Variants in PLS1 observed in about 807,000 individuals in gnomAD.
PLS1 encodes plastin 1.
PLS1 carries 32 observed loss-of-function variants against 73.7 expected under a neutral mutation model. The ratio of observed to expected loss-of-function variants is 0.43; its 90% CI spans 0.33 to 0.58. The LOEUF (loss-of-function observed/expected upper bound fraction) is 0.58. Ranked by LOEUF, PLS1 falls within the 20% of genes least tolerant of loss-of-function variation. The pLI is 0.04. For synonymous variants in PLS1, 217 were observed against 261.3 expected, an observed-to-expected ratio of 0.83 and a Z score of 1.63; for missense variants, 633 against 740.5, an observed-to-expected ratio of 0.85 and a Z score of 1.68.
At chr3:142,621,772 C>A (rs752936145) in intron 1 of PLS1, among the ~76,000 whole-genome samples, 1 of 152,116 alleles carries the variant, frequency 6.6e-6, no homozygotes, top group Non-Finnish European at 1.5e-5. Context: ...TTTAAAAGGA[C>A]ACATAGGGCA....
At chr3:142,623,215 A>C (rs950817995) in intron 1 of PLS1, among the ~76,000 whole-genome samples, 2 of 152,116 alleles carry the variant, frequency 1.3e-5, no homozygotes, top group Non-Finnish European at 2.9e-5. Context: ...TAGGAAGAAA[A>C]CCTGCTTGGG....
intron 1 of PLS1, among the ~76,000 whole-genome samples, chr3:142,628,522 A>C (rs2036483288): frequency 6.6e-6 from 1 of 152,214 alleles, no homozygotes; most frequent in Non-Finnish European, 1.5e-5. Flanking sequence ...CCTGTTCCTT[A>C]GCTCACTGGG....
chr3:142,619,507 T>C (rs2036276731), intron 1 of PLS1: 1 of 152,234 alleles, frequency 6.6e-6, no homozygotes. Context: ...TCCCAAAAAC[T>C]GAAGTAAAAT....
At chr3:142,610,308 C>A (rs368379142) in intron 1 of PLS1, among the ~76,000 whole-genome samples, 1 of 152,110 alleles carries the variant, frequency 6.6e-6, no homozygotes, top group Non-Finnish European at 1.5e-5. Flanking sequence ...CAGATAGCTC[C>A]CCTCTAGAAA....
Position 142,711,613 on chromosome 3 carries a change from T to G in PLS1, c.1742T>G (p.Leu581Arg). The change falls in exon 15 of 16, where the codon CTG (leucine) becomes CGG (arginine). Residue 581 changes from leucine to arginine, a missense_variant. Coordinates refer to ENST00000457734, the MANE Select transcript of PLS1 (RefSeq NM_001145319.2). ...RRENLSDEDK[L>R]NNAKYAISVA... ...GAAAACTTATCTGATGAGGACAAGC[T>G]GAACAATGCTAAGTAAGCCTTTATG... The G allele has an allele frequency of 6.2e-7, 1 of 1,606,714 alleles. No homozygotes were observed. The highest frequency in any genetic ancestry group is 8.5e-7 in the Non-Finnish European group (1 of 1,174,582).
chr3:142,659,397 C>T (rs1357992629), intron 1 of PLS1, among the ~76,000 whole-genome samples: 4 of 152,148 alleles, frequency 2.6e-5, no homozygotes. Context: ...AACATAGGTG[C>T]TCTTATTTAA....
At chr3:142,710,818 C>T (rs983710566) in intron 14 of PLS1, among the ~76,000 whole-genome samples, 13 of 152,036 alleles carry the variant, frequency 8.6e-5, no homozygotes, top group Admixed American at 7.2e-4. Flanking sequence ...ATCTGCAGTG[C>T]GCTATTCACT....
intron 1 of PLS1, among the ~76,000 whole-genome samples, chr3:142,652,143 TG>T (rs1560049938): frequency 6.6e-6 from 1 of 152,178 alleles, no homozygotes; most frequent in Non-Finnish European, 1.5e-5. Flanking sequence ...TTGCTGAGCT[TG>T]GGGCCGTGGG....
chr3:142,665,273 T>A, intron 2 of PLS1, among the ~76,000 whole-genome samples: 1 of 123,946 alleles, frequency 8.1e-6, no homozygotes. Flanking sequence ...AGAAAAACGA[T>A]ATGTTTAAAA....
At chr3:142,703,167 A>C (rs933666438) in intron 12 of PLS1, among the ~76,000 whole-genome samples, 1 of 152,018 alleles carries the variant, frequency 6.6e-6, no homozygotes, top group African/African-American at 2.4e-5. Context: ...TTTCTTTTCT[A>C]TTTTTAAATT....
intron 1 of PLS1, among the ~76,000 whole-genome samples, chr3:142,638,259 A>T (rs541184997): frequency 6.6e-6 from 1 of 152,340 alleles, no homozygotes; most frequent in Admixed American, 6.5e-5. Flanking sequence ...CTAAAAAGTG[A>T]GATCCAGAGA....
intron 14 of PLS1, among the ~76,000 whole-genome samples, chr3:142,705,172 A>G (rs1288500510): frequency 6.6e-6 from 1 of 152,204 alleles, no homozygotes; most frequent in Non-Finnish European, 1.5e-5. Flanking sequence ...ATCTTAAAAA[A>G]TAAACAGAAT....
rs760869523 is a variant in PLS1, at chr3:142,676,232, C to T, written c.440C>T (p.Pro147Leu). 2.5e-5 allele frequency: 41 copies of T among 1,612,782 alleles called. No individual in the cohort carries two copies. Among genetic ancestry groups the T allele is most frequent in the Non-Finnish European group, 3.5e-5 (41 of 1,178,956 alleles). ...ENDPDCKHLI[P>L]MNPNDDSLFK... ...GACCCTGACTGTAAGCATCTTATAC[C>T]CATGAATCCCAATGATGATAGTCTT... is the stretch of plus-strand genomic sequence containing the variant. Residue 147 changes from proline to leucine, a missense_variant, in exon 5 of 16, where the codon CCC (proline) becomes CTC (leucine). Transcript: ENST00000457734.
Position 142,659,569 on chromosome 3 carries a change from A to C in PLS1, c.-36-4633A>C, listed in dbSNP as rs188351137. ...TGTTTTGGTAGGCTGATAGTCTAAA[A>C]AACTGAATACAAAAAGCATATAATG... is the stretch of plus-strand genomic sequence containing the variant. On this transcript the variant is annotated intron_variant, in intron 1 of 15. Transcript: ENST00000457734. 3.3e-5 allele frequency among the ~76,000 whole-genome samples: 5 copies of C among 152,142 alleles called. No homozygotes were observed. The East Asian group carries it at 9.7e-4, about 29-fold the overall frequency.
At chr3:142,599,157 A>G (rs2035865521) in intron 1 of PLS1, among the ~76,000 whole-genome samples, 2 of 150,516 alleles carry the variant, frequency 1.3e-5, no homozygotes, top group South Asian at 4.2e-4. Flanking sequence ...CAGACACTCA[A>G]TAGTTATTAC....
chr3:142,678,009 A>C (rs760083859), intron 5 of PLS1, 23 bp from the exon 6 acceptor site: 2 of 1,263,906 alleles, frequency 1.6e-6, no homozygotes, highest in Non-Finnish European at 2.2e-6. Context: ...TATTAAACTA[A>C]ATTATTCTCA....
chr3:142,706,703 C>T (rs746168880), intron 14 of PLS1, among the ~76,000 whole-genome samples: 28 of 151,862 alleles, frequency 1.8e-4, no homozygotes, highest in Admixed American at 4.6e-4. Flanking sequence ...AATAAGGGGG[C>T]TGGGGCTGGG....
chr3:142,629,896 C>T lies in PLS1; in HGVS notation c.-37+33387C>T, dbSNP rs186973305. On this transcript the variant is annotated intron_variant, in intron 1 of 15. Transcript: ENST00000457734. ...ACACACTAGATGCCAGTGATGCCTC[C>T]TTTTGTGAAAGTAAAAAATGTCTCC... 2.5e-3 allele frequency among the ~76,000 whole-genome samples: 385 copies of T among 152,286 alleles called. 1 individual carries two copies. Among genetic ancestry groups the T allele is most frequent in the Admixed American group, 6.3e-3 (96 of 15,290 alleles).
chr3:142,690,277 T>C (rs1453735371), intron 10 of PLS1, among the ~76,000 whole-genome samples: 3 of 152,328 alleles, frequency 2.0e-5, no homozygotes, highest in African/African-American at 7.2e-5. Flanking sequence ...TATAATACTT[T>C]CCTGTTTTGC....
Sources: allele counts gnomAD v4.1 joint callset (sites outside exome capture counted in the v4.1 genomes callset), GRCh38; gene constraint gnomAD v4.1.1; transcripts MANE v1.5; gene names NCBI Gene and HGNC (gene_info 2026-07-23, HGNC 2026-07-21).